The following ADARB1 variants were observed in gnomAD, a reference collection of about 807,000 sequenced individuals.
ADARB1 encodes double-stranded RNA-specific editase 1.
Under a neutral mutation model 52.4 loss-of-function variants are expected in ADARB1, and 10 were observed. The observed-to-expected ratio is 0.19, with a 90% CI of 0.12 to 0.32. The LOEUF (loss-of-function observed/expected upper bound fraction) is 0.32, where lower values mean the gene tolerates loss of function less well. ADARB1 is among the 10% of genes least tolerant of loss of function. The probability of loss-of-function intolerance (pLI) is 1.00; values close to 1 mark genes in which losing one functional copy is unlikely to be tolerated. For missense variants in ADARB1, 643 were observed against 922.3 expected (o/e 0.70, Z 3.92); for synonymous variants, 349 against 371.1 (o/e 0.94, Z 0.68).
intron 9 of ADARB1, among the ~76,000 whole-genome samples, chr21:45,206,774 A>G (rs2092676076): frequency 6.6e-6 from 1 of 151,968 alleles, no homozygotes; most frequent in Admixed American, 6.6e-5. Context: ...GGGTTTCACC[A>G]TGTTGACCAG....
Position 45,224,440 on chromosome 21 carries a change from A to G in ADARB1, c.*2243A>G. 1.0e-5 allele frequency: 9 copies of G among 860,110 alleles called. No homozygotes were observed. Among genetic ancestry groups the G allele is most frequent in the Non-Finnish European group, 1.2e-5 (9 of 776,358 alleles). 53.3% of individuals were successfully genotyped at this position (860,110 alleles called of 1,614,324 possible). A position where few individuals can be genotyped will look rare whatever the true frequency, so the allele number is the denominator to read the frequency against. ...GGACAGGCACAGGGCACCCTATCCC[A>G]AGCCGTCCAGGCAGGAGGAAGGCAG... is the stretch of plus-strand genomic sequence containing the variant. On this transcript the variant is annotated 3_prime_UTR_variant, in exon 11 of 11. Coordinates refer to ENST00000348831, the MANE Select transcript of ADARB1 (RefSeq NM_001112.4).
chr21:45,193,916 T>C (rs918511481), intron 8 of ADARB1, among the ~76,000 whole-genome samples: 3 of 152,236 alleles, frequency 2.0e-5, no homozygotes, highest in Non-Finnish European at 4.4e-5. Flanking sequence ...GATTGATCTA[T>C]AGACTCAATG....
intron 2 of ADARB1, among the ~76,000 whole-genome samples, chr21:45,161,642 T>C (rs1489283278): frequency 1.3e-5 from 2 of 152,142 alleles, no homozygotes; most frequent in Non-Finnish European, 2.9e-5. Context: ...GGCAGGATAA[T>C]GGTGGCCGGA....
rs1426043363 is a variant in ADARB1, at chr21:45,128,906, A to G, written c.-48+333A>G. On this transcript the variant is annotated intron_variant, in intron 2 of 10. Coordinates refer to ENST00000348831, the MANE Select transcript of ADARB1 (RefSeq NM_001112.4). The surrounding 1 kb of genome is among the most constrained non-coding windows in gnomAD (Gnocchi z 4.6). ...GAGTCAGTGCTTCATGCCGGGCACT[A>G]GACTTGGTGAAAGCCTTTTACCATC... Among the ~76,000 whole-genome samples the G allele has an allele frequency of 6.6e-6, 1 of 152,194 alleles. No individual in the cohort carries two copies. The highest frequency in any genetic ancestry group is 1.9e-4 in the East Asian group (1 of 5,194).
intron 2 of ADARB1, chr21:45,134,833 G>T (rs766263095): frequency 3.7e-6 from 2 of 534,170 alleles, no homozygotes; most frequent in South Asian, 2.8e-5. Context: ...TGCCAGCCAG[G>T]TCAGTGGGTG....
chr21:45,199,504 A>G (rs1445010277), intron 8 of ADARB1, among the ~76,000 whole-genome samples: 1 of 152,208 alleles, frequency 6.6e-6, no homozygotes, highest in African/African-American at 2.4e-5. Context: ...AGACATGGAC[A>G]AAGTAGCCAA....
intron 1 of ADARB1, among the ~76,000 whole-genome samples, chr21:45,118,990 T>G (rs943626171): frequency 6.6e-6 from 1 of 152,340 alleles, no homozygotes; most frequent in South Asian, 2.1e-4. Context: ...TTATGGTTCA[T>G]TCACCACCAA....
At chr21:45,173,629 G>GA (rs1302188274) in intron 3 of ADARB1, among the ~76,000 whole-genome samples, 1 of 150,936 alleles carries the variant, frequency 6.6e-6, no homozygotes, top group Admixed American at 6.6e-5. Flanking sequence ...TTTTGATATT[G>GA]ATAATTGTTT....
chr21:45,223,709 G>A lies in ADARB1; in HGVS notation c.*1512G>A, dbSNP rs1602092279. On this transcript the variant is annotated 3_prime_UTR_variant, in exon 11 of 11. Transcript: ENST00000348831. ...CCTAGGAAACCAGAGCAGGGGCAGA[G>A]GGGCGTCATCCTCCCACCGGACGCT... is the stretch of plus-strand genomic sequence containing the variant. 3 of 985,508 alleles carry A rather than the reference G, an allele frequency of 3.0e-6. No individual in the cohort carries two copies. The South Asian group carries it at 1.4e-4, about 46-fold the overall frequency. The allele number at this position is 985,508 out of a possible 1,614,324, so 61.0% of individuals were successfully genotyped here. A position where few individuals can be genotyped will look rare whatever the true frequency, so the allele number is the denominator to read the frequency against.
intron 2 of ADARB1, chr21:45,133,566 C>T (rs934148706): frequency 9.6e-5 from 17 of 176,410 alleles, no homozygotes; most frequent in Non-Finnish European, 1.4e-4. Context: ...CAGTTCCTCC[C>T]GCCTGCAAGG....
rs111564134 is a variant in ADARB1 at position 45,159,904 on chromosome 21, T to C, written c.-47-11706T>C. 7.0e-3 allele frequency among the ~76,000 whole-genome samples: 1,071 copies of C among 152,378 alleles called. 20 individuals are homozygous for C. The highest frequency in any genetic ancestry group is 0.024 in the African/African-American group (996 of 41,598). ...GAGCCAACCTGTCACTTCCATGCGC[T>C]GTGTGTCACTTTGAAAACTATCTTT... On this transcript the variant is annotated intron_variant, in intron 2 of 10. Transcript: ENST00000348831.
At chr21:45,091,023 A>G (rs381390) in intron 1 of ADARB1, among the ~76,000 whole-genome samples, 98,761 of 152,244 alleles carry the variant, frequency 0.65, 32,804 homozygotes, top group Non-Finnish European at 0.74. Context: ...AAGTTCATCA[A>G]CTTCATATAA....
At chr21:45,117,190 G>T (rs758325852) in intron 1 of ADARB1, among the ~76,000 whole-genome samples, 1 of 152,226 alleles carries the variant, frequency 6.6e-6, no homozygotes, top group Admixed American at 6.5e-5. Context: ...TCTATCAGAT[G>T]CTCTTCCCAG....
chr21:45,215,202 C>T lies in ADARB1; in HGVS notation c.1748-5634C>T, dbSNP rs112912245. ...AGCTGGGACTACAGGTGCATGCCACCATGCCTGGTTCATTTTTAAATTTTT... is the reference window on the plus strand; with the variant it reads ...AGCTGGGACTACAGGTGCATGCCACTATGCCTGGTTCATTTTTAAATTTTT... On this transcript the variant is annotated intron_variant, in intron 9 of 10. Coordinates refer to ENST00000348831, the MANE Select transcript of ADARB1 (RefSeq NM_001112.4). 8.5e-4 allele frequency among the ~76,000 whole-genome samples: 129 copies of T among 152,226 alleles called. 1 individual carries two copies. The highest frequency in any genetic ancestry group is 3.0e-3 in the African/African-American group (126 of 41,538).
chr21:45,198,540 A>C (rs967484614), intron 8 of ADARB1, among the ~76,000 whole-genome samples: 1 of 152,120 alleles, frequency 6.6e-6, no homozygotes, highest in Non-Finnish European at 1.5e-5. Flanking sequence ...CACACAGAGA[A>C]TAAATTAAGA....
In ADARB1 at chr21:45,222,430, T is replaced by C; in HGVS notation, c.*233T>C. 7.8e-7 allele frequency: 1 copy of C among 1,287,948 alleles called. No homozygotes were observed. The highest frequency in any genetic ancestry group is 3.1e-5 in the East Asian group (1 of 32,058). 79.8% of individuals were successfully genotyped at this position (1,287,948 alleles called of 1,614,324 possible). On this transcript the variant is annotated 3_prime_UTR_variant, in exon 11 of 11. Transcript: ENST00000348831. ...GCCCAGCATCGCCGCCTGGCATCTC[T>C]CTGCCGCAGCATTTCCCCTTCTGAA... is the stretch of plus-strand genomic sequence containing the variant.
chr21:45,188,973 C>A (rs1437207210), intron 8 of ADARB1, among the ~76,000 whole-genome samples: 2 of 152,190 alleles, frequency 1.3e-5, no homozygotes, highest in Non-Finnish European at 2.9e-5. Flanking sequence ...TGGCAGCAGA[C>A]AAAAGAGAGC....
chr21:45,102,825 A>G lies in ADARB1; in HGVS notation c.-219-25577A>G, dbSNP rs530787305. On this transcript the variant is annotated intron_variant, in intron 1 of 10. Transcript: ENST00000348831. The stretch of plus-strand genomic sequence containing the variant: ...ATCTGCTGTATCTGCTGTGTCTTCC[A>G]GGAGGTGGAGCACAACCCTTACCCC... Among the ~76,000 whole-genome samples, 167 of 152,078 alleles carry G rather than the reference A, an allele frequency of 1.1e-3. 1 individual carries two copies. The highest frequency in any genetic ancestry group is 3.7e-3 in the African/African-American group (152 of 41,344).
At chr21:45,163,983 T>C (rs1419791842) in intron 2 of ADARB1, among the ~76,000 whole-genome samples, 2 of 152,220 alleles carry the variant, frequency 1.3e-5, no homozygotes, top group African/African-American at 4.8e-5. Context: ...ATCCCTTAAC[T>C]GGTGAGAACT....
Sources: gnomAD v4.1 joint callset for allele counts (sites outside exome capture counted in the v4.1 genomes callset) on GRCh38, gnomAD v4.1.1 for gene constraint, Gnocchi (gnomAD v3.1) non-coding constraint, MANE v1.5 for transcripts, NCBI Gene and HGNC (gene_info 2026-07-23, HGNC 2026-07-21) for gene names.